The following CHCHD3 variants were observed in gnomAD, a reference collection of about 807,000 sequenced individuals.
The protein encoded by CHCHD3 is MICOS complex subunit MIC19.
Under a neutral mutation model 38.2 loss-of-function variants are expected in CHCHD3, and 20 were observed. The ratio of observed to expected loss-of-function variants is 0.52; its 90% CI spans 0.37 to 0.76. The LOEUF is 0.76. CHCHD3 is among the 30% of genes least tolerant of loss of function. CHCHD3 has a pLI of 0.00. For missense variants in CHCHD3, 245 were observed against 279.2 expected (o/e 0.88, Z 0.87); for synonymous variants, 82 against 100.0 (o/e 0.82, Z 1.07).
intron 5 of CHCHD3, among the ~76,000 whole-genome samples, chr7:132,865,424 C>T (rs980972886): frequency 1.3e-5 from 2 of 152,142 alleles, no homozygotes; most frequent in East Asian, 3.9e-4. Flanking sequence ...AAACTGGGGA[C>T]TCAGTGCAAA....
Position 132,941,577 on chromosome 7 carries a change from A to G in CHCHD3, c.369+33592T>C, listed in dbSNP as rs574913368. ...AATTCTCAAACCCTCCACGTTTACC[A>G]CTTCCTGGTTATACTGGGTTCCTTA... On this transcript the variant is annotated intron_variant, in intron 4 of 7. Coordinates refer to ENST00000262570, the MANE Select transcript of CHCHD3 (RefSeq NM_017812.4). 1.1e-4 allele frequency among the ~76,000 whole-genome samples: 17 copies of G among 152,302 alleles called. 1 individual carries two copies. In the South Asian group the frequency reaches 2.1e-3, roughly 19 times the overall value.
At chr7:132,880,390 G>T (rs1314242497) in intron 5 of CHCHD3, among the ~76,000 whole-genome samples, 1 of 152,150 alleles carries the variant, frequency 6.6e-6, no homozygotes, top group Non-Finnish European at 1.5e-5. Context: ...GTTATCATCA[G>T]CATGTTAATA....
At chr7:132,787,864 T>C (rs993456637) in intron 7 of CHCHD3, among the ~76,000 whole-genome samples, 7 of 152,066 alleles carry the variant, frequency 4.6e-5, no homozygotes, top group African/African-American at 1.7e-4. Context: ...AATGATTCTG[T>C]CATACAGGAG....
At chr7:133,047,669 T>C (rs1386174912) in intron 2 of CHCHD3, among the ~76,000 whole-genome samples, 1 of 152,234 alleles carries the variant, frequency 6.6e-6, no homozygotes, top group African/African-American at 2.4e-5. Context: ...ATGAAACTAA[T>C]ATCTCAGCTA....
intron 5 of CHCHD3, among the ~76,000 whole-genome samples, chr7:132,843,193 C>T (rs1294482856): frequency 6.6e-6 from 1 of 152,118 alleles, no homozygotes; most frequent in Admixed American, 6.6e-5. Flanking sequence ...GCACATCCAC[C>T]ACACCCAGCT....
chr7:132,894,704 T>G (rs531521220), intron 4 of CHCHD3, among the ~76,000 whole-genome samples: 1 of 152,338 alleles, frequency 6.6e-6, no homozygotes, highest in African/African-American at 2.4e-5. Context: ...TCAAATGAAC[T>G]GCACTGAGGG....
chr7:132,942,486 A>G (rs1810794015), intron 4 of CHCHD3, among the ~76,000 whole-genome samples: 1 of 152,228 alleles, frequency 6.6e-6, no homozygotes, highest in South Asian at 2.1e-4. Context: ...GTTAAGAAAG[A>G]AGAAAATTAC....
chr7:132,973,601 T>A (rs2117329253), intron 4 of CHCHD3: 1 of 1,000,166 alleles, frequency 1.0e-6, no homozygotes, highest in South Asian at 4.4e-5. Flanking sequence ...TGACATTTCT[T>A]TCTTGGTCTA....
Position 133,025,081 on chromosome 7 carries a change from A to G in CHCHD3, c.170-454T>C, listed in dbSNP as rs114564316. Among the ~76,000 whole-genome samples, 1,048 of 152,354 alleles carry G rather than the reference A, an allele frequency of 6.9e-3. 14 individuals are homozygous for G. Among genetic ancestry groups the G allele is most frequent in the African/African-American group, 0.024 (993 of 41,574 alleles). ...ATGTACTACAAAGAGCAAATCATTT[A>G]TAGTTACATTCATTTTTCCATTATT... On this transcript the variant is annotated intron_variant, in intron 2 of 7. Transcript: ENST00000262570.
intron 4 of CHCHD3, among the ~76,000 whole-genome samples, chr7:132,913,948 CTTTTTTTTT>C (rs71178066): frequency 2.0e-5 from 2 of 102,346 alleles, no homozygotes; most frequent in East Asian, 2.8e-4. Flanking sequence ...TTTTCTTTTT[CTTTTTTTTT>C]TTTTTTTTTT....
chr7:133,077,349 T>C (rs1815030364), intron 1 of CHCHD3, among the ~76,000 whole-genome samples: 1 of 152,220 alleles, frequency 6.6e-6, no homozygotes, highest in Admixed American at 6.5e-5. Context: ...TTCAGAATCC[T>C]CAGTAATACC....
intron 4 of CHCHD3, among the ~76,000 whole-genome samples, chr7:132,930,165 T>A (rs1810481812): frequency 6.9e-6 from 1 of 145,026 alleles, no homozygotes; most frequent in Non-Finnish European, 1.5e-5. Context: ...CACTCCTAAT[T>A]TTTTTTTTTT....
chr7:133,057,719 T>C (rs944524255), intron 2 of CHCHD3, among the ~76,000 whole-genome samples: 1 of 152,212 alleles, frequency 6.6e-6, no homozygotes, highest in Non-Finnish European at 1.5e-5. Flanking sequence ...ATAGTGCCTA[T>C]GTCAGTAGAG....
At chr7:132,785,699 A>C (rs1806298958) in intron 7 of CHCHD3, 39 bp from the exon 8 acceptor site, 1 of 1,606,088 alleles carries the variant, frequency 6.2e-7, no homozygotes, top group Non-Finnish European at 8.5e-7. Context: ...TACCACCGGG[A>C]GAGGACAAAA....
At chr7:132,885,581 T>C (rs986956161) in intron 5 of CHCHD3, 81 bp downstream of exon 5, 174 of 1,130,034 alleles carry the variant, frequency 1.5e-4, no homozygotes, top group Non-Finnish European at 2.0e-4. Flanking sequence ...GCAGTTGAAG[T>C]TCTAATTTAT....
chr7:132,899,441 T>C (rs761100408), intron 4 of CHCHD3, among the ~76,000 whole-genome samples: 44 of 152,176 alleles, frequency 2.9e-4, no homozygotes, highest in Non-Finnish European at 5.4e-4. Flanking sequence ...CTCTTAAACA[T>C]AGAGCTAAAG....
At chr7:132,798,457 A>C (rs1274091811) in intron 6 of CHCHD3, among the ~76,000 whole-genome samples, 1 of 152,190 alleles carries the variant, frequency 6.6e-6, no homozygotes, top group Non-Finnish European at 1.5e-5. Context: ...CACAGATACC[A>C]CTAAGTGACT....
intron 5 of CHCHD3, among the ~76,000 whole-genome samples, chr7:132,844,078 T>C (rs1315345727): frequency 6.6e-6 from 1 of 152,154 alleles, no homozygotes; most frequent in African/African-American, 2.4e-5. Context: ...GGCGGGCGGA[T>C]CACTTGAGGC....
intron 5 of CHCHD3, among the ~76,000 whole-genome samples, chr7:132,876,151 C>T: frequency 6.6e-6 from 1 of 152,080 alleles, no homozygotes; most frequent in Non-Finnish European, 1.5e-5. Context: ...GGCTGGTCTG[C>T]CTAAATGAAG....
Sources: allele counts gnomAD v4.1 joint callset (sites outside exome capture counted in the v4.1 genomes callset), GRCh38; gene constraint gnomAD v4.1.1; transcripts MANE v1.5; gene names NCBI Gene and HGNC (gene_info 2026-07-23, HGNC 2026-07-21).